The following SERPINB12 variants were observed in gnomAD, a reference collection of about 807,000 sequenced individuals.
The protein encoded by SERPINB12 is serpin B12.
Under a neutral mutation model 41.1 loss-of-function variants are expected in SERPINB12, and 57 were observed. The observed-to-expected ratio is 1.39, with a 90% CI of 1.12 to 1.73. The LOEUF (loss-of-function observed/expected upper bound fraction) is 1.73, where lower values mean the gene tolerates loss of function less well. Among genes scored for constraint, SERPINB12 ranks in the 40% most tolerant of loss-of-function variants. The probability of loss-of-function intolerance (pLI) is 0.00; values close to 1 mark genes in which losing one functional copy is unlikely to be tolerated. For missense variants in SERPINB12, 536 were observed against 501.9 expected (o/e 1.07, Z -0.65); for synonymous variants, 180 against 181.3 (o/e 0.99, Z 0.06).
At chr18:63,537,226 GT>G in the SERPINB12 span, among the ~76,000 whole-genome samples, 1 of 152,294 alleles carries the variant, frequency 6.6e-6, no homozygotes, top group South Asian at 2.1e-4. Flanking sequence ...CTGTAAAGAA[GT>G]GGCCTGCAGA....
intron 5 of SERPINB12, 146 bp downstream of exon 5, chr18:63,561,348 T>C (rs1599425351): frequency 3.3e-6 from 2 of 600,544 alleles, no homozygotes; most frequent in East Asian, 2.9e-5. Flanking sequence ...CAGAATGAGA[T>C]ACCATCTCAC....
chr18:63,558,180 G>A (rs1910741390), intron 2 of SERPINB12, among the ~76,000 whole-genome samples, 172 bp from the exon 3 acceptor site: 2 of 152,038 alleles, frequency 1.3e-5, no homozygotes, highest in South Asian at 2.1e-4. Context: ...TCTTCTCCTC[G>A]ATTCCACCTC....
rs1434725171 is a variant in SERPINB12 at position 63,567,530 on chromosome 18, A to G, written c.*519A>G. On this transcript the variant is annotated 3_prime_UTR_variant, in exon 8 of 8. Transcript: ENST00000382768. ...TGCCCTGTTTCTTCCTTTGACAGCT[A>G]CTGCATGGAAGATGTCCTGTGAGGT... Among the ~76,000 whole-genome samples, 2 of 152,162 alleles carry G rather than the reference A, an allele frequency of 1.3e-5. No individual in the cohort carries two copies. Among genetic ancestry groups the G allele is most frequent in the African/African-American group, 4.8e-5 (2 of 41,426 alleles).
At chr18:63,541,193 C>T (rs8092534), upstream of SERPINB12, among the ~76,000 whole-genome samples, 17,236 of 152,148 alleles carry the variant, frequency 0.11, 2,168 homozygotes, top group African/African-American at 0.3. Flanking sequence ...CAATTTCATG[C>T]TTGCAAGTTG....
At chr18:63,565,091 G>A (rs1382495133) in intron 6 of SERPINB12, among the ~76,000 whole-genome samples, 1 of 152,168 alleles carries the variant, frequency 6.6e-6, no homozygotes, top group African/African-American at 2.4e-5. Context: ...GGAAGCTGAG[G>A]TGGGAGGATT....
At chr18:63,556,508 A>C (rs1233471528) in intron 2 of SERPINB12, among the ~76,000 whole-genome samples, 181 bp downstream of exon 2, 1 of 152,096 alleles carries the variant, frequency 6.6e-6, no homozygotes, top group Non-Finnish European at 1.5e-5. Flanking sequence ...CGATCCTACC[A>C]TTCTTAAAGT....
In SERPINB12 at chr18:63,566,665, C is replaced by T. The variant is rs1472525044; in HGVS notation, c.932C>T (p.Ser311Leu). 2 of 1,613,980 alleles carry T rather than the reference C, an allele frequency of 1.2e-6. No homozygotes were observed. Among genetic ancestry groups the T allele is most frequent in the Non-Finnish European group, 1.7e-6 (2 of 1,179,964 alleles). Residue 311 changes from serine to leucine, a missense_variant, in exon 8 of 8, where the codon TCA (serine) becomes TTA (leucine). Transcript: ENST00000382768. Reference sequence around the variant, plus strand: ...GCCTGGAGCAGCTCAGAAAACATGTCAGAAGAATCGGTGGTCCTGTCCTTC... The same window carrying T: ...GCCTGGAGCAGCTCAGAAAACATGTTAGAAGAATCGGTGGTCCTGTCCTTC... ...MVAWSSSENM[S>L]EESVVLSFPR... is the part of the protein sequence containing the mutation.
intron 2 of SERPINB12, among the ~76,000 whole-genome samples, chr18:63,557,066 C>T (rs1910703874): frequency 6.6e-6 from 1 of 152,186 alleles, no homozygotes; most frequent in Non-Finnish European, 1.5e-5. Context: ...TACAATGGCC[C>T]ACAAGGATCT....
chr18:63,558,329 G>T (rs1393231321), intron 2 of SERPINB12, 23 bp from the exon 3 acceptor site: 1 of 1,600,410 alleles, frequency 6.2e-7, no homozygotes, highest in Non-Finnish European at 8.5e-7. Flanking sequence ...TTATCTGAAA[G>T]ACCCCATCCC....
At chr18:63,549,641 C>T (rs1036066764) in intron 1 of SERPINB12, among the ~76,000 whole-genome samples, 6 of 152,112 alleles carry the variant, frequency 3.9e-5, no homozygotes, top group African/African-American at 1.4e-4. Flanking sequence ...AGAGAAGCAA[C>T]CCCCATAAAG....
At chr18:63,562,864 G>T (rs1910959014) in intron 5 of SERPINB12, among the ~76,000 whole-genome samples, 1 of 152,164 alleles carries the variant, frequency 6.6e-6, no homozygotes, top group South Asian at 2.1e-4. Context: ...TTCTTCTTAA[G>T]ACATCTGCAA....
chr18:63,537,723 C>T (rs1311568053), upstream of SERPINB12, among the ~76,000 whole-genome samples: 1 of 152,096 alleles, frequency 6.6e-6, no homozygotes, highest in Non-Finnish European at 1.5e-5. Flanking sequence ...CATATGGAAT[C>T]CCTCTTGTTC....
chr18:63,561,137 A>T lies in SERPINB12; in HGVS notation c.497A>T (p.Asp166Val), dbSNP rs951626736. The change falls in exon 5 of 8, where the codon GAT becomes GTT. Residue 166 changes from aspartate to valine, a missense_variant. By Grantham distance (152) the Asp-to-Val change is radical. Coordinates refer to ENST00000382768, the MANE Select transcript of SERPINB12 (RefSeq NM_001307928.2). Reference sequence around the variant, plus strand: ...TACCACACGACGATTGAAAGTGTTGATTTCCAAAAAAACCCTGAAAAATCC... The same window carrying T: ...TACCACACGACGATTGAAAGTGTTGTTTTCCAAAAAAACCCTGAAAAATCC... ...QFYHTTIESV[D>V]FQKNPEKSRQ... 1.2e-6 allele frequency: 2 copies of T among 1,613,624 alleles called. No individual in the cohort carries two copies. The highest frequency in any genetic ancestry group is 1.7e-5 in the Admixed American group (1 of 59,982).
rs754911036 is a variant in SERPINB12 at position 63,556,209 on chromosome 18, A to C, written c.50A>C (p.Gln17Pro). The C allele has an allele frequency of 2.5e-6, 4 of 1,613,988 alleles. No homozygotes were observed. Among genetic ancestry groups the C allele is most frequent in the Non-Finnish European group, 3.4e-6 (4 of 1,179,948 alleles). Residue 17 changes from glutamine to proline, a missense_variant, in exon 2 of 8, where the codon CAA becomes CCA. By Grantham distance (76) the Gln-to-Pro change is moderately conservative (BLOSUM62 -1). Transcript: ENST00000382768. Reference sequence around the variant, plus strand: ...ACCAAATTTTGCTTTGATCTTTTTCAAGAGATAGGCAAAGATGATCGTCAT... The same window carrying C: ...ACCAAATTTTGCTTTGATCTTTTTCCAGAGATAGGCAAAGATGATCGTCAT... Reference protein sequence around the residue: ...ANTKFCFDLFQEIGKDDRHKN... With the variant: ...ANTKFCFDLFPEIGKDDRHKN...
the SERPINB12 span, among the ~76,000 whole-genome samples, chr18:63,522,238 A>G: frequency 6.6e-6 from 1 of 152,240 alleles, no homozygotes; most frequent in Non-Finnish European, 1.5e-5. Flanking sequence ...TGTCTGCAGG[A>G]CGTATAAACA....
chr18:63,527,965 T>G, the SERPINB12 span, among the ~76,000 whole-genome samples: 5 of 151,898 alleles, frequency 3.3e-5, no homozygotes, highest in Admixed American at 2.0e-4. Flanking sequence ...TGAGATCTGA[T>G]GGTTTTATAC....
At chr18:63,534,866 C>T in the SERPINB12 span, among the ~76,000 whole-genome samples, 1 of 152,176 alleles carries the variant, frequency 6.6e-6, no homozygotes, top group Non-Finnish European at 1.5e-5. Context: ...AACTGCAGAA[C>T]ATGGTCTCAT....
At chr18:63,520,458 C>G in the SERPINB12 span, among the ~76,000 whole-genome samples, 1 of 152,182 alleles carries the variant, frequency 6.6e-6, no homozygotes, top group African/African-American at 2.4e-5. Flanking sequence ...GAATGAGTCA[C>G]AGATGCATGG....
chr18:63,556,223 G>A lies in SERPINB12; in HGVS notation c.64G>A (p.Asp22Asn). The A allele has an allele frequency of 6.2e-7, 1 of 1,614,054 alleles. No individual in the cohort carries two copies. Residue 22 changes from aspartate to asparagine, a missense_variant, in exon 2 of 8, where the codon GAT (aspartate) becomes AAT (asparagine). Coordinates refer to ENST00000382768, the MANE Select transcript of SERPINB12 (RefSeq NM_001307928.2). ...CFDLFQEIGKDDRHKNIFFSP... is the reference protein window; with the variant it reads ...CFDLFQEIGKNDRHKNIFFSP... ...TGATCTTTTTCAAGAGATAGGCAAA[G>A]ATGATCGTCATAAAAACATATTTTT...
Sources: gnomAD v4.1 joint callset for allele counts (sites outside exome capture counted in the v4.1 genomes callset) on GRCh38, gnomAD v4.1.1 for gene constraint, MANE v1.5 for transcripts, NCBI Gene and HGNC (gene_info 2026-07-23, HGNC 2026-07-21) for gene names.